Variants in SMARCA2 observed in about 807,000 individuals in gnomAD.
The protein encoded by SMARCA2 is SWI/SNF related BAF chromatin remodeling complex subunit ATPase 2, also known as SWI/SNF-related matrix-associated actin-dependent regulator of chromatin subfamily A member 2.
SMARCA2 carries 61 observed loss-of-function variants against 199.8 expected under a neutral mutation model. The ratio of observed to expected loss-of-function variants is 0.31; its 90% CI spans 0.25 to 0.38. The LOEUF is 0.38. Among genes scored for constraint, SMARCA2 ranks in the 10% least tolerant of loss-of-function variants. The probability of loss-of-function intolerance (pLI) is 1.00; values close to 1 mark genes in which losing one functional copy is unlikely to be tolerated. For synonymous variants in SMARCA2, 935 were observed against 732.0 expected, an observed-to-expected ratio of 1.28 and a Z score of -4.48; for missense variants, 1,344 against 2,012.2, an observed-to-expected ratio of 0.67 and a Z score of 6.35.
At chr9:2,061,956 TG>T (rs1457643769) in intron 9 of SMARCA2, among the ~76,000 whole-genome samples, 3 of 152,210 alleles carry the variant, frequency 2.0e-5, no homozygotes, top group Non-Finnish European at 4.4e-5. Flanking sequence ...GAACGAGAGA[TG>T]ACTCAGGGCT....
In SMARCA2 at chr9:2,054,211, CTG is replaced by C. The variant is rs1206511894; in HGVS notation, c.1047-383_1047-382del. 1.3e-5 allele frequency among the ~76,000 whole-genome samples: 2 copies of C among 152,224 alleles called. 1 individual carries two copies. ...AACTAGAAGTTCGGAAGAAAAAAGT[CTG>C]TGCTCTCAGCTCTGCATTCTGTCTG... On this transcript the variant is annotated intron_variant, in intron 5 of 33. Coordinates refer to ENST00000349721, the MANE Select transcript of SMARCA2 (RefSeq NM_003070.5).
At position 2,056,751 on chromosome 9, in the gene SMARCA2, G is replaced by A. The variant is rs1820372127; in HGVS notation, c.1253G>A (p.Ser418Asn). 6.2e-7 allele frequency: 1 copy of A among 1,614,214 alleles called. No homozygotes were observed. Among genetic ancestry groups the A allele is most frequent in the Non-Finnish European group, 8.5e-7 (1 of 1,180,034 alleles). ...TALNSKAYKR[S>N]KRQTLREARM... ...CTCAACTCCAAAGCATACAAACGGA[G>A]CAAGCGCCAGACTCTGAGAGAAGCT... is the stretch of plus-strand genomic sequence containing the variant. Residue 418 changes from serine to asparagine, a missense_variant, in exon 7 of 34, where the codon AGC (serine) becomes AAC (asparagine). Ser to Asn is a conservative substitution (Grantham distance 46). Around this residue, in one of 18 missense-constraint regions of SMARCA2, gnomAD observed 155 missense variants for 260.0 expected, o/e 0.60. Coordinates refer to ENST00000349721, the MANE Select transcript of SMARCA2 (RefSeq NM_003070.5). The surrounding 1 kb of genome is among the most constrained non-coding windows in gnomAD (Gnocchi z 4.0).
intron 1 of SMARCA2, among the ~76,000 whole-genome samples, chr9:2,019,855 CA>C (rs1818526457): frequency 6.6e-6 from 1 of 150,912 alleles, no homozygotes; most frequent in Non-Finnish European, 1.5e-5. Flanking sequence ...CCTTTGTAAA[CA>C]AGGCCTTTGT....
intron 2 of SMARCA2, among the ~76,000 whole-genome samples, chr9:2,032,175 G>T (rs1034203545): frequency 1.3e-5 from 2 of 152,154 alleles, no homozygotes; most frequent in Non-Finnish European, 2.9e-5. Flanking sequence ...TTTCTTTCAG[G>T]CTGTTTTGAA....
intron 28 of SMARCA2, among the ~76,000 whole-genome samples, chr9:2,167,831 AC>A (rs1328852581): frequency 6.6e-6 from 1 of 151,956 alleles, no homozygotes; most frequent in East Asian, 1.9e-4. Flanking sequence ...CCAGGTACTT[AC>A]CCCCACTAGC....
intron 1 of SMARCA2, among the ~76,000 whole-genome samples, chr9:2,020,890 A>G (rs984093900): frequency 3.0e-4 from 46 of 152,212 alleles, no homozygotes; most frequent in African/African-American, 1.1e-3. Flanking sequence ...TATGGAATAC[A>G]AGATTTTGGC....
In SMARCA2 at chr9:2,039,592, C is replaced by T. The variant is rs149394378; in HGVS notation, c.482C>T (p.Pro161Leu). The T allele has an allele frequency of 7.7e-5, 125 of 1,614,028 alleles. No individual in the cohort carries two copies. The highest frequency in any genetic ancestry group is 1.6e-4 in the Middle Eastern group (1 of 6,084). ...CCGGGGGCCCTCATCCCAGGTGATCCGCAGGCCATGAGCCAGCCCAACAGA... is the reference window on the plus strand; with the variant it reads ...CCGGGGGCCCTCATCCCAGGTGATCTGCAGGCCATGAGCCAGCCCAACAGA... ...SQPGALIPGD[P>L]QAMSQPNRGP... The change falls in exon 4 of 34, where the codon CCG becomes CTG. Residue 161 changes from proline (P) to leucine (L), a missense_variant. Around this residue, in one of 18 missense-constraint regions of SMARCA2, gnomAD observed 275 missense variants for 247.5 expected, o/e 1.11. Coordinates refer to ENST00000349721, the MANE Select transcript of SMARCA2 (RefSeq NM_003070.5). This position sits in a 1 kb window ranked among gnomAD's most constrained non-coding sequence, Gnocchi z 4.8.
intron 5 of SMARCA2, 102 bp downstream of exon 5, chr9:2,047,586 A>C: frequency 8.5e-7 from 1 of 1,176,710 alleles, no homozygotes; most frequent in Non-Finnish European, 1.1e-6. Context: ...CCAAACTGTG[A>C]TTTTCACCCG....
chr9:2,049,667 G>A (rs759145131), intron 5 of SMARCA2, among the ~76,000 whole-genome samples: 1 of 152,182 alleles, frequency 6.6e-6, no homozygotes, highest in African/African-American at 2.4e-5. Flanking sequence ...TATGGGGCAT[G>A]TTTTGTATTC....
chr9:2,181,707 C>T (rs559244443), intron 30 of SMARCA2, 31 bp downstream of exon 30: 3 of 1,108,836 alleles, frequency 2.7e-6, no homozygotes, highest in Admixed American at 1.7e-5. Context: ...CTTTATTCTT[C>T]AAGTAAATAA....
intron 9 of SMARCA2, chr9:2,068,995 C>T (rs1184472332): frequency 6.6e-6 from 1 of 151,886 alleles, no homozygotes; most frequent in Non-Finnish European, 1.5e-5. Flanking sequence ...CGGCTCACTG[C>T]AAGCTCTGCC....
chr9:2,080,615 A>G (rs549631467), intron 14 of SMARCA2, among the ~76,000 whole-genome samples: 45 of 152,080 alleles, frequency 3.0e-4, no homozygotes, highest in Middle Eastern at 3.4e-3. Context: ...TCTTTTGCCC[A>G]TTCTCTTGGA....
In SMARCA2 at chr9:2,192,938, A is replaced by T. The variant is rs776210464; in HGVS notation, c.*199A>T. ...ACACATACACAAATATTTGTAACAT[A>T]TTGTGACCAAATGGGCCTCAAAGAT... is the stretch of plus-strand genomic sequence containing the variant. On this transcript the variant is annotated 3_prime_UTR_variant, in exon 34 of 34. Transcript: ENST00000349721. 3.8e-6 allele frequency: 2 copies of T among 531,658 alleles called. No individual in the cohort carries two copies. Among genetic ancestry groups the T allele is most frequent in the Admixed American group, 3.6e-5 (1 of 27,402 alleles). The allele number at this position is 531,658 out of a possible 1,614,324, so 32.9% of individuals were successfully genotyped here.
intron 1 of SMARCA2, among the ~76,000 whole-genome samples, chr9:2,028,547 C>A (rs1818928414): frequency 6.6e-6 from 1 of 152,182 alleles, no homozygotes; most frequent in Non-Finnish European, 1.5e-5. Context: ...TGCCCACTCA[C>A]TTATGAAAAT....
chr9:2,052,463 G>T (rs933447244), intron 5 of SMARCA2, among the ~76,000 whole-genome samples: 1 of 152,128 alleles, frequency 6.6e-6, no homozygotes, highest in Admixed American at 6.5e-5. Context: ...CCGACAGAGC[G>T]AGACTCCATC....
chr9:2,059,249 G>A (rs557149545), intron 8 of SMARCA2, among the ~76,000 whole-genome samples: 16 of 152,256 alleles, frequency 1.1e-4, no homozygotes, highest in African/African-American at 3.9e-4. Flanking sequence ...TGAAGATAAG[G>A]TCATTAGTCT....
chr9:2,080,567 A>G lies in SMARCA2; in HGVS notation c.2185-1265A>G, dbSNP rs564184947. Among the ~76,000 whole-genome samples the G allele has an allele frequency of 5.3e-5, 8 of 152,172 alleles. No individual in the cohort carries two copies. In the South Asian group the frequency reaches 1.5e-3, roughly 28 times the overall value. The stretch of plus-strand genomic sequence containing the variant: ...AGGCTGACAGCTTCTCCTGTCTACC[A>G]CTGTTTGTTTTATAATAATTTCCCC... On this transcript the variant is annotated intron_variant, in intron 14 of 33. Coordinates refer to ENST00000349721, the MANE Select transcript of SMARCA2 (RefSeq NM_003070.5).
intron 14 of SMARCA2, among the ~76,000 whole-genome samples, chr9:2,081,145 G>T (rs1476654219): frequency 6.6e-6 from 1 of 152,176 alleles, no homozygotes; most frequent in African/African-American, 2.4e-5. Flanking sequence ...TTGGTTGGGG[G>T]ATGGAGGTTT....
At chr9:2,036,688 G>T (rs970125304) in intron 3 of SMARCA2, among the ~76,000 whole-genome samples, 1 of 152,026 alleles carries the variant, frequency 6.6e-6, no homozygotes, top group South Asian at 2.1e-4. Flanking sequence ...GTAAAATTTT[G>T]TTGTATTGAC....
Sources: allele counts gnomAD v4.1 joint callset (sites outside exome capture counted in the v4.1 genomes callset), GRCh38; gene constraint gnomAD v4.1.1; regional missense constraint gnomAD v4.1.1; non-coding constraint Gnocchi (gnomAD v3.1); transcripts MANE v1.5; gene names NCBI Gene and HGNC (gene_info 2026-07-23, HGNC 2026-07-21).